The following NRXN2 variants were observed in gnomAD, a reference collection of about 807,000 sequenced individuals.
The protein encoded by NRXN2 is neurexin 2.
In NRXN2, 29 loss-of-function variants were observed where a neutral mutation model predicts 128.8. The ratio of observed to expected loss-of-function variants is 0.23; its 90% CI spans 0.17 to 0.31. The LOEUF is 0.31. NRXN2 is among the 10% of genes least tolerant of loss of function. The pLI is 1.00. For synonymous variants in NRXN2, 1,098 were observed against 1,075.2 expected (o/e 1.02, Z -0.41); for missense variants, 1,881 against 2,452.6 (o/e 0.77, Z 4.92).
At chr11:64,619,287 C>T (rs949743644) in intron 22 of NRXN2, among the ~76,000 whole-genome samples, 1 of 152,118 alleles carries the variant, frequency 6.6e-6, no homozygotes, top group Non-Finnish European at 1.5e-5. Context: ...TGGCAGCCAC[C>T]GAGGCCCACA....
chr11:64,648,268 G>A lies in NRXN2; in HGVS notation c.3354C>T (p.Phe1118=). ...QGVCLQQWDG[F]TCDCTMTSYG... The stretch of plus-strand genomic sequence containing the variant: ...AGGAAGTCATGGTGCAGTCGCAGGT[G>A]AAGCCATCCCACTGCTGCAAGCAGA... Residue 1118 remains phenylalanine (F), a synonymous_variant, in exon 17 of 23, where the codon TTC becomes TTT. Transcript: ENST00000265459. This position sits in a 1 kb window ranked among gnomAD's most constrained non-coding sequence, Gnocchi z 4.1. 2 of 1,614,220 alleles carry A rather than the reference G, an allele frequency of 1.2e-6. No individual in the cohort carries two copies. Among genetic ancestry groups the A allele is most frequent in the Non-Finnish European group, 1.7e-6 (2 of 1,180,020 alleles).
At chr11:64,720,119 C>T (rs1465312229) in intron 1 of NRXN2, among the ~76,000 whole-genome samples, 1 of 152,212 alleles carries the variant, frequency 6.6e-6, no homozygotes, top group African/African-American at 2.4e-5. Flanking sequence ...GAAACTGAGG[C>T]TCACTGAGGA....
intron 1 of NRXN2, among the ~76,000 whole-genome samples, chr11:64,720,121 C>T (rs763061993): frequency 1.3e-5 from 2 of 152,242 alleles, no homozygotes; most frequent in African/African-American, 4.8e-5. Flanking sequence ...AACTGAGGCT[C>T]ACTGAGGAGC....
rs776644925 is a variant in NRXN2 at position 64,660,737 on chromosome 11, T to C, written c.2185+16A>G. 3 of 1,608,640 alleles carry C rather than the reference T, an allele frequency of 1.9e-6. No homozygotes were observed. The highest frequency in any genetic ancestry group is 1.3e-5 in the African/African-American group (1 of 75,004). Reference sequence around the variant, plus strand: ...GGATAGGGAGCAGGGACACCTAGGATGAAGACCAGCCTCACCTCTCTCACA... The same window carrying C: ...GGATAGGGAGCAGGGACACCTAGGACGAAGACCAGCCTCACCTCTCTCACA... On this transcript the variant is annotated intron_variant, in intron 10 of 22. Transcript: ENST00000265459. The surrounding 1 kb of genome is among the most constrained non-coding windows in gnomAD (Gnocchi z 5.2).
rs1376683642 is a variant in NRXN2, at chr11:64,648,120, C to T, written c.3403+99G>A. ...ATGAGAAGGAAGAAGCAGCACAGCT[C>T]CTGAATGCTCAGAGGCCCTGTTTCC... On this transcript the variant is annotated intron_variant, in intron 17 of 22. Coordinates refer to ENST00000265459, the MANE Select transcript of NRXN2 (RefSeq NM_015080.4). This position sits in a 1 kb window ranked among gnomAD's most constrained non-coding sequence, Gnocchi z 4.1. 2.0e-6 allele frequency: 3 copies of T among 1,535,914 alleles called. No individual in the cohort carries two copies. The highest frequency in any genetic ancestry group is 1.4e-5 in the African/African-American group (1 of 73,462).
chr11:64,708,066 C>A (rs2056524556), intron 2 of NRXN2, among the ~76,000 whole-genome samples: 3 of 151,718 alleles, frequency 2.0e-5, no homozygotes. Flanking sequence ...CCATTGCACT[C>A]CAGCCTGGGC....
intron 8 of NRXN2, 103 bp downstream of exon 8, chr11:64,668,340 G>A (rs992491852): frequency 3.8e-5 from 55 of 1,455,206 alleles, no homozygotes; most frequent in Non-Finnish European, 5.0e-5. Context: ...GACTTGGAAG[G>A]AACAGATGAC....
chr11:64,708,247 G>A (rs2056541465), intron 2 of NRXN2, among the ~76,000 whole-genome samples: 1 of 152,124 alleles, frequency 6.6e-6, no homozygotes, highest in Non-Finnish European at 1.5e-5. Context: ...CATGAGACAC[G>A]TGTGTCTACC....
At chr11:64,688,586 T>C in intron 5 of NRXN2, 3 of 985,350 alleles carry the variant, frequency 3.0e-6, no homozygotes, top group Non-Finnish European at 3.6e-6. Flanking sequence ...CGCTCTCCCC[T>C]ATCTCGCCGG....
chr11:64,633,393 T>C (rs1238877179), intron 18 of NRXN2, among the ~76,000 whole-genome samples: 2 of 152,174 alleles, frequency 1.3e-5, no homozygotes, highest in Non-Finnish European at 2.9e-5. Context: ...CAAACATCCC[T>C]CTGTCCTCTT....
chr11:64,699,249 C>T (rs938606772), intron 2 of NRXN2, among the ~76,000 whole-genome samples: 3 of 152,102 alleles, frequency 2.0e-5, no homozygotes, highest in African/African-American at 4.8e-5. Flanking sequence ...CCCACAGTGA[C>T]TCCAGTGGCT....
rs940056541 is a variant in NRXN2, at chr11:64,660,659, G to A, written c.2185+94C>T. The A allele has an allele frequency of 1.9e-6, 3 of 1,593,444 alleles. No homozygotes were observed. The highest frequency in any genetic ancestry group is 2.6e-6 in the Non-Finnish European group (3 of 1,171,214). On this transcript the variant is annotated intron_variant, in intron 10 of 22. Coordinates refer to ENST00000265459, the MANE Select transcript of NRXN2 (RefSeq NM_015080.4). The surrounding 1 kb of genome is among the most constrained non-coding windows in gnomAD (Gnocchi z 5.2). ...AGGTCTATGAGGGGTTCCCCTAGGAGGAGGTGGCACAGGGATGGAAAGTAG... is the reference window on the plus strand; with the variant it reads ...AGGTCTATGAGGGGTTCCCCTAGGAAGAGGTGGCACAGGGATGGAAAGTAG...
At chr11:64,716,924 C>T (rs2057319984) in intron 1 of NRXN2, among the ~76,000 whole-genome samples, 2 of 152,110 alleles carry the variant, frequency 1.3e-5, no homozygotes, top group Non-Finnish European at 2.9e-5. Flanking sequence ...TGCTCTTCCC[C>T]TCGCCTTTCC....
In NRXN2 at chr11:64,648,841, C is replaced by T. The variant is rs777033569; in HGVS notation, c.3176G>A (p.Arg1059Gln). The T allele has an allele frequency of 3.7e-6, 6 of 1,614,178 alleles. No individual in the cohort carries two copies. The highest frequency in any genetic ancestry group is 2.2e-5 in the East Asian group (1 of 44,872). Residue 1059 changes from arginine to glutamine, a missense_variant, in exon 16 of 23, where the codon CGG becomes CAG. Transcript: ENST00000265459. This position sits in a 1 kb window ranked among gnomAD's most constrained non-coding sequence, Gnocchi z 4.1. ...GGCCAGGCAGCCCTGAAAGCCATCC[C>T]GGGAGGCCACCAGCTTGGGCAGGTT... ...FSNLPKLVASRDGFQGCLASV... is the reference protein window; with the variant it reads ...FSNLPKLVASQDGFQGCLASV...
rs149681180 is a variant in NRXN2 at position 64,616,661 on chromosome 11, G to C, written c.4252+3633C>G. Among the ~76,000 whole-genome samples the C allele has an allele frequency of 6.3e-3, 965 of 152,308 alleles. 29 individuals are homozygous for C. Among genetic ancestry groups the C allele is most frequent in the Non-Finnish European group, 5.0e-3 (338 of 68,008 alleles). On this transcript the variant is annotated intron_variant, in intron 22 of 22. Transcript: ENST00000265459. ...AACACAGATGTGTGTGTCCTGTCCT[G>C]AGTGCCTGCAATATGCAAGTCTGTC...
intron 21 of NRXN2, among the ~76,000 whole-genome samples, chr11:64,621,054 G>A (rs990318135): frequency 1.4e-4 from 21 of 152,196 alleles, no homozygotes; most frequent in Admixed American, 9.8e-4. Context: ...GGCAAGAAGG[G>A]AGCGCGAGAA....
intron 11 of NRXN2, among the ~76,000 whole-genome samples, chr11:64,656,334 AC>A (rs1565320493): frequency 6.6e-6 from 1 of 151,726 alleles, no homozygotes; most frequent in Non-Finnish European, 1.5e-5. Context: ...CTGATTTAAA[AC>A]ACAAACGGGA....
chr11:64,652,369 C>T (rs1251642695), intron 12 of NRXN2, among the ~76,000 whole-genome samples: 1 of 152,120 alleles, frequency 6.6e-6, no homozygotes, highest in Non-Finnish European at 1.5e-5. Flanking sequence ...CATGCACACG[C>T]AGAGCTTTTA....
intron 6 of NRXN2, among the ~76,000 whole-genome samples, chr11:64,680,480 A>G (rs2052067261): frequency 6.6e-6 from 1 of 152,234 alleles, no homozygotes; most frequent in African/African-American, 2.4e-5. Flanking sequence ...CAATGACAAC[A>G]ACCAGGCCCT....
Sources: allele counts gnomAD v4.1 joint callset (sites outside exome capture counted in the v4.1 genomes callset), GRCh38; gene constraint gnomAD v4.1.1; non-coding constraint Gnocchi (gnomAD v3.1); transcripts MANE v1.5; gene names NCBI Gene and HGNC (gene_info 2026-07-23, HGNC 2026-07-21).